Variants in GPR55 observed in about 807,000 individuals in gnomAD.
GPR55 encodes G protein-coupled receptor 55.
A neutral mutation model predicts 7.9 loss-of-function variants in GPR55; 6 were observed. That is an observed-to-expected ratio of 0.76 (90% confidence interval 0.41 to 1.49). The LOEUF (loss-of-function observed/expected upper bound fraction) is 1.49, where lower values mean the gene tolerates loss of function less well. GPR55 is among the 40% of genes most tolerant of loss of function. The pLI, the probability that GPR55 is intolerant of heterozygous loss-of-function variation, is 0.01. For missense variants in GPR55, 376 were observed against 406.0 expected (o/e 0.93, Z 0.63); for synonymous variants, 183 against 166.8 (o/e 1.10, Z -0.75).
intron 1 of GPR55, among the ~76,000 whole-genome samples, chr2:230,941,768 C>T (rs1042738879): frequency 9.2e-5 from 14 of 152,214 alleles, no homozygotes; most frequent in Non-Finnish European, 1.9e-4. Flanking sequence ...CCTTTATCAG[C>T]TCATGTCATG....
intron 1 of GPR55, among the ~76,000 whole-genome samples, chr2:230,958,976 C>T (rs1004070734): frequency 2.6e-5 from 4 of 152,198 alleles, no homozygotes; most frequent in Admixed American, 1.3e-4. Context: ...TTTCAAGCAG[C>T]AGGAACTCTC....
intron 1 of GPR55, among the ~76,000 whole-genome samples, chr2:230,938,378 C>T (rs1691165779): frequency 7.2e-6 from 1 of 138,358 alleles, no homozygotes; most frequent in South Asian, 2.3e-4. Context: ...TCAAAGTTCT[C>T]TTTCTGTAAC....
chr2:230,934,366 C>T (rs1691100731), intron 1 of GPR55, among the ~76,000 whole-genome samples: 1 of 152,252 alleles, frequency 6.6e-6, no homozygotes, highest in African/African-American at 2.4e-5. Context: ...TCTCCGACCC[C>T]AGCACAGCTG....
chr2:230,931,575 G>A (rs1691037815), intron 1 of GPR55, among the ~76,000 whole-genome samples: 1 of 152,138 alleles, frequency 6.6e-6, no homozygotes, highest in Non-Finnish European at 1.5e-5. Context: ...GCATTGAGAG[G>A]TTTTGGCAAC....
chr2:230,935,184 G>T (rs547816061), intron 1 of GPR55, among the ~76,000 whole-genome samples: 1 of 152,152 alleles, frequency 6.6e-6, no homozygotes, highest in Non-Finnish European at 1.5e-5. Context: ...GCTGTGGTCA[G>T]ACAAAGCGGC....
intron 1 of GPR55, among the ~76,000 whole-genome samples, chr2:230,942,005 G>A (rs1306307163): frequency 6.6e-6 from 1 of 152,188 alleles, no homozygotes; most frequent in East Asian, 1.9e-4. Flanking sequence ...AGGGGAGCCT[G>A]ATGCCCGGGG....
intron 1 of GPR55, among the ~76,000 whole-genome samples, chr2:230,948,394 A>G (rs887098753): frequency 2.0e-5 from 3 of 152,194 alleles, no homozygotes; most frequent in Admixed American, 2.0e-4. Context: ...GACAGATTCA[A>G]CAGTCCTGAT....
At chr2:230,940,663 G>C (rs1691211732) in intron 1 of GPR55, among the ~76,000 whole-genome samples, 1 of 152,186 alleles carries the variant, frequency 6.6e-6, no homozygotes, top group South Asian at 2.1e-4. Context: ...CCTCCCTGGG[G>C]GCCCATGCTG....
At chr2:230,953,405 A>G (rs558111821) in intron 1 of GPR55, among the ~76,000 whole-genome samples, 53 of 152,104 alleles carry the variant, frequency 3.5e-4, no homozygotes, top group Non-Finnish European at 6.2e-4. Context: ...TGTGAGAAGG[A>G]CTCAACCCAC....
intron 1 of GPR55, among the ~76,000 whole-genome samples, chr2:230,942,887 G>A (rs1417508037): frequency 6.6e-6 from 1 of 152,140 alleles, no homozygotes; most frequent in Non-Finnish European, 1.5e-5. Context: ...CTGGGTGAAA[G>A]CAGACCAATT....
upstream of GPR55, among the ~76,000 whole-genome samples, chr2:230,928,765 A>T (rs1690985201): frequency 6.6e-6 from 1 of 152,232 alleles, no homozygotes; most frequent in African/African-American, 2.4e-5. Flanking sequence ...AAATCAGAGG[A>T]AGCCCCAACA....
At position 230,944,982 on chromosome 2, in the gene GPR55, C is replaced by T. The variant is rs554370734; in HGVS notation, c.-135+15793G>A. Among the ~76,000 whole-genome samples, 1 of 152,350 alleles carries T rather than the reference C, an allele frequency of 6.6e-6. No homozygotes were observed. The highest frequency in any genetic ancestry group is 6.5e-5 in the Admixed American group (1 of 15,302). On this transcript the variant is annotated intron_variant, in intron 1 of 1. Coordinates refer to the GPR55 transcript ENST00000392039. The surrounding 1 kb of genome is among the most constrained non-coding windows in gnomAD (Gnocchi z 4.2). ...CGGGGGAAGAACCAGGTAAGGTTCC[C>T]GCACATCGCCCTCCATGAAGCAGGA...
Position 230,909,716 on chromosome 2 carries a change from C to G in GPR55, c.*287G>C, listed in dbSNP as rs201637205. On this transcript the variant is annotated 3_prime_UTR_variant, in exon 2 of 2. Transcript: ENST00000650999. ...AGCCTTGTTGACATGGTCTCATTCT[C>G]TTTCTCAATTCTTCTGCTCTATAGT... 2.0e-5 allele frequency: 7 copies of G among 348,090 alleles called. No homozygotes were observed. In the South Asian group the frequency reaches 3.9e-4, roughly 19 times the overall value. The allele number at this position is 348,090 out of a possible 1,614,324, so 21.6% of individuals were successfully genotyped here.
intron 1 of GPR55, among the ~76,000 whole-genome samples, chr2:230,943,133 T>G (rs905645107): frequency 1.1e-4 from 16 of 148,312 alleles, no homozygotes; most frequent in African/African-American, 4.2e-4. Context: ...GAGAGAGCGC[T>G]CTCTGTAGCA....
chr2:230,923,423 A>G lies in GPR55; in HGVS notation c.-135+1745T>C, dbSNP rs73110542. Among the ~76,000 whole-genome samples, 13,264 of 152,192 alleles carry G rather than the reference A, an allele frequency of 0.087. 1,551 individuals carry two copies. The highest frequency in any genetic ancestry group is 0.27 in the African/African-American group (10,997 of 41,474). The stretch of plus-strand genomic sequence containing the variant: ...GGAGCCCTGGAATACTCCCCCAAAA[A>G]TGCCGCAGTTAGAATACACAGCGTA... On this transcript the variant is annotated intron_variant, in intron 1 of 1. Coordinates refer to ENST00000650999, the MANE Select transcript of GPR55 (RefSeq NM_005683.4). The surrounding 1 kb of genome is among the most constrained non-coding windows in gnomAD (Gnocchi z 4.1).
At chr2:230,916,712 T>C (rs1312181847) in intron 1 of GPR55, among the ~76,000 whole-genome samples, 2 of 152,068 alleles carry the variant, frequency 1.3e-5, no homozygotes, top group African/African-American at 4.8e-5. Context: ...TTTTTTTTAC[T>C]TCAATAATTA....
rs1191059901 is a variant in GPR55 at position 230,923,328 on chromosome 2, A to AT, written c.-135+1839_-135+1840insA. Among the ~76,000 whole-genome samples the AT allele has an allele frequency of 6.6e-6, 1 of 152,222 alleles. No individual in the cohort carries two copies. ...TATCTGCACAGAGCATTGCAGCGTGAGCCACCTCAGAGATGGCAGGGCCAG... is the reference window on the plus strand; with the variant it reads ...TATCTGCACAGAGCATTGCAGCGTGATGCCACCTCAGAGATGGCAGGGCCAG... On this transcript the variant is annotated intron_variant, in intron 1 of 1. Coordinates refer to ENST00000650999, the MANE Select transcript of GPR55 (RefSeq NM_005683.4). The surrounding 1 kb of genome is among the most constrained non-coding windows in gnomAD (Gnocchi z 4.1).
intron 1 of GPR55, among the ~76,000 whole-genome samples, chr2:230,948,999 G>A (rs558824557): frequency 2.0e-5 from 3 of 152,272 alleles, no homozygotes; most frequent in Non-Finnish European, 4.4e-5. Context: ...AGCCAGGGGG[G>A]TCAAGGCTGC....
chr2:230,915,356 T>C (rs535753220), intron 1 of GPR55, among the ~76,000 whole-genome samples: 30 of 152,318 alleles, frequency 2.0e-4, no homozygotes, highest in Admixed American at 4.6e-4. Flanking sequence ...AGCAGCACCA[T>C]CTGTGGAGTG....
Sources: gnomAD v4.1 joint callset for allele counts (sites outside exome capture counted in the v4.1 genomes callset) on GRCh38, gnomAD v4.1.1 for gene constraint, Gnocchi (gnomAD v3.1) non-coding constraint, MANE v1.5 for transcripts, NCBI Gene and HGNC (gene_info 2026-07-23, HGNC 2026-07-21) for gene names.